DPP6: variants seen among roughly 807,000 people sequenced by gnomAD.
DPP6 encodes A-type potassium channel modulatory protein DPP6.
A neutral mutation model predicts 122.6 loss-of-function variants in DPP6; 69 were observed. The ratio of observed to expected loss-of-function variants is 0.56; its 90% CI spans 0.46 to 0.69. The LOEUF (loss-of-function observed/expected upper bound fraction) is 0.69. DPP6 is among the 30% of genes least tolerant of loss of function. The pLI is 0.00. For missense variants in DPP6, 928 were observed against 1,116.9 expected, an observed-to-expected ratio of 0.83 and a Z score of 2.41; for synonymous variants, 418 against 433.1, an observed-to-expected ratio of 0.97 and a Z score of 0.43.
chr7:154,079,988 T>C (rs1803871938), intron 1 of DPP6, among the ~76,000 whole-genome samples: 1 of 150,110 alleles, frequency 6.7e-6, no homozygotes, highest in Non-Finnish European at 1.5e-5. Flanking sequence ...TTGAAGGAAG[T>C]TTAAGAAAGG....
chr7:154,496,736 A>G (rs1339808089), intron 3 of DPP6, among the ~76,000 whole-genome samples: 1 of 152,186 alleles, frequency 6.6e-6, no homozygotes, highest in Non-Finnish European at 1.5e-5. Flanking sequence ...CTGTGCTTGG[A>G]AGAACTTGGA....
At chr7:154,029,339 A>G (rs1215780432) in intron 1 of DPP6, among the ~76,000 whole-genome samples, 2 of 149,050 alleles carry the variant, frequency 1.3e-5, no homozygotes, top group African/African-American at 5.0e-5. Flanking sequence ...ACATGGTGAA[A>G]CCCCGTCTCT....
chr7:154,389,270 A>G (rs1178736753), intron 1 of DPP6, among the ~76,000 whole-genome samples: 1 of 152,220 alleles, frequency 6.6e-6, no homozygotes, highest in Non-Finnish European at 1.5e-5. Context: ...GTGGCCCAGG[A>G]ACCTCACACA....
At chr7:154,874,003 TAC>T (rs201353016) in intron 19 of DPP6, among the ~76,000 whole-genome samples, 19 of 148,546 alleles carry the variant, frequency 1.3e-4, no homozygotes, top group African/African-American at 3.5e-4. Context: ...CATGCACACA[TAC>T]ACACACATGC....
chr7:153,827,072 A>T, the DPP6 span, among the ~76,000 whole-genome samples: 6 of 152,296 alleles, frequency 3.9e-5, no homozygotes, highest in Non-Finnish European at 7.3e-5. Context: ...GAAAAGAAAA[A>T]AAAATTAGAA....
chr7:154,881,118 C>G, intron 21 of DPP6, 176 bp downstream of exon 21: 1 of 1,109,878 alleles, frequency 9.0e-7, no homozygotes, highest in Non-Finnish European at 1.2e-6. Flanking sequence ...TTCATTTGAT[C>G]AGCTCATTTT....
intron 5 of DPP6, among the ~76,000 whole-genome samples, chr7:154,610,227 C>A (rs2316228): frequency 0.4 from 61,424 of 151,994 alleles, 13,422 homozygotes; most frequent in East Asian, 0.65. Context: ...TTCTGAGTAC[C>A]AAATGAGTGG....
At chr7:153,922,704 A>G (rs1800696059) in intron 1 of DPP6, among the ~76,000 whole-genome samples, 1 of 152,218 alleles carries the variant, frequency 6.6e-6, no homozygotes, top group South Asian at 2.1e-4. Context: ...TATTACAATC[A>G]ATAATCTCTT....
chr7:154,487,775 C>A (rs1457834992), intron 3 of DPP6, among the ~76,000 whole-genome samples: 8 of 152,194 alleles, frequency 5.3e-5, no homozygotes. Flanking sequence ...ACCATGGTAA[C>A]CTGCTAGGGT....
At chr7:153,939,010 T>A (rs889422876) in intron 1 of DPP6, among the ~76,000 whole-genome samples, 1 of 152,252 alleles carries the variant, frequency 6.6e-6, no homozygotes, top group East Asian at 1.9e-4. Context: ...TGTGCACTTA[T>A]AATACAACAC....
At chr7:153,888,946 CA>C (rs986157501) in intron 1 of DPP6, among the ~76,000 whole-genome samples, 3 of 152,072 alleles carry the variant, frequency 2.0e-5, no homozygotes, top group African/African-American at 4.8e-5. Flanking sequence ...TCGCTTTAAG[CA>C]AAACAGGCAA....
chr7:154,533,711 C>T (rs891750989), intron 3 of DPP6, among the ~76,000 whole-genome samples: 10 of 152,058 alleles, frequency 6.6e-5, no homozygotes, highest in Non-Finnish European at 1.0e-4. Context: ...TAAAAATCAA[C>T]AATAGGCCTG....
intron 7 of DPP6, among the ~76,000 whole-genome samples, chr7:154,677,494 C>T (rs1390339495): frequency 6.6e-6 from 1 of 152,194 alleles, no homozygotes; most frequent in Non-Finnish European, 1.5e-5. Flanking sequence ...AAATCCATGC[C>T]TTCAAAATGT....
rs532609081 is a variant in DPP6 at position 154,568,233 on chromosome 7, C to T, written c.627+1317C>T. Among the ~76,000 whole-genome samples the T allele has an allele frequency of 2.0e-5, 3 of 152,350 alleles. No homozygotes were observed. In the South Asian group the frequency reaches 6.2e-4, roughly 32 times the overall value. ...CAGCTTCCTTCATCACCCTTGAAAA[C>T]CACCAGAAATACAATCTCCACACCT... On this transcript the variant is annotated intron_variant, in intron 5 of 25. Transcript: ENST00000377770.
chr7:154,369,088 G>T (rs1812424337), intron 1 of DPP6, among the ~76,000 whole-genome samples: 1 of 152,068 alleles, frequency 6.6e-6, no homozygotes, highest in Non-Finnish European at 1.5e-5. Flanking sequence ...TCTTTTGTTT[G>T]TTCATTCGTT....
chr7:154,730,604 G>A (rs145365769), intron 8 of DPP6, among the ~76,000 whole-genome samples: 1 of 152,036 alleles, frequency 6.6e-6, no homozygotes, highest in Non-Finnish European at 1.5e-5. Flanking sequence ...GTTTAAAAAA[G>A]AAAAAAATGG....
Position 154,607,268 on chromosome 7 carries a change from G to T in DPP6, c.628-30553G>T, listed in dbSNP as rs1833616672. ...AGCAGAGAAAGTTAGGACATTGCAA[G>T]AAAAAGTTGAGCCGGGCGCGGTGGC... On this transcript the variant is annotated intron_variant, in intron 5 of 25. Coordinates refer to ENST00000377770, the MANE Select transcript of DPP6 (RefSeq NM_130797.4). Among the ~76,000 whole-genome samples, 2 of 119,504 alleles carry T rather than the reference G, an allele frequency of 1.7e-5. 1 individual carries two copies. Among genetic ancestry groups the T allele is most frequent in the Non-Finnish European group, 3.8e-5 (2 of 53,320 alleles). 78.4% of individuals were successfully genotyped at this position (119,504 alleles called of 152,430 possible).
intron 1 of DPP6, among the ~76,000 whole-genome samples, chr7:154,380,982 G>A (rs1034464314): frequency 1.3e-5 from 2 of 152,220 alleles, no homozygotes; most frequent in East Asian, 1.9e-4. Flanking sequence ...GCTGTCCAGG[G>A]TGGATGGCAG....
At chr7:153,900,525 T>C (rs552736313) in intron 1 of DPP6, among the ~76,000 whole-genome samples, 1 of 152,138 alleles carries the variant, frequency 6.6e-6, no homozygotes, top group South Asian at 2.1e-4. Context: ...CACATGGCCA[T>C]AGAGGGAACA....
Sources: allele counts gnomAD v4.1 joint callset (sites outside exome capture counted in the v4.1 genomes callset), GRCh38; gene constraint gnomAD v4.1.1; transcripts MANE v1.5; gene names NCBI Gene and HGNC (gene_info 2026-07-23, HGNC 2026-07-21).